Variants in SIPA1L1 observed in about 807,000 individuals in gnomAD.
SIPA1L1 encodes signal-induced proliferation-associated 1-like protein 1.
A neutral mutation model predicts 162.7 loss-of-function variants in SIPA1L1; 26 were observed. The observed-to-expected ratio is 0.16, with a 90% CI of 0.12 to 0.22. The LOEUF is 0.22. Among genes scored for constraint, SIPA1L1 ranks in the 10% least tolerant of loss-of-function variants. The pLI is 1.00. For missense variants in SIPA1L1, 1,874 were observed against 2,241.0 expected, an observed-to-expected ratio of 0.84 and a Z score of 3.31; for synonymous variants, 829 against 837.4, an observed-to-expected ratio of 0.99 and a Z score of 0.17.
At chr14:71,408,139 CAAT>C (rs747479474) in intron 2 of SIPA1L1, among the ~76,000 whole-genome samples, 10 of 152,114 alleles carry the variant, frequency 6.6e-5, no homozygotes, top group Non-Finnish European at 1.3e-4. Context: ...TTTGAGAAGA[CAAT>C]AATATTTTTT....
chr14:71,689,114 AT>A (rs1274561774), intron 13 of SIPA1L1, among the ~76,000 whole-genome samples: 1 of 152,242 alleles, frequency 6.6e-6, no homozygotes, highest in Non-Finnish European at 1.5e-5. Flanking sequence ...AACAAAAAAA[AT>A]AAATCTGCAT....
chr14:71,732,559 C>T (rs929558839), intron 20 of SIPA1L1, among the ~76,000 whole-genome samples: 65 of 152,318 alleles, frequency 4.3e-4, no homozygotes, highest in African/African-American at 1.5e-3. Context: ...CCAGTCCTCC[C>T]TGCCAAGCAG....
chr14:71,526,523 C>T (rs2052890350), intron 3 of SIPA1L1, among the ~76,000 whole-genome samples: 2 of 152,130 alleles, frequency 1.3e-5, no homozygotes, highest in African/African-American at 4.8e-5. Context: ...AGTTATGGTT[C>T]ATTTATATTC....
At chr14:71,494,523 C>CTTTTTTTTTT (rs201797447) in intron 2 of SIPA1L1, among the ~76,000 whole-genome samples, 19 of 126,670 alleles carry the variant, frequency 1.5e-4, no homozygotes, top group South Asian at 2.6e-4. Flanking sequence ...CTTTTCTTTT[C>CTTTTTTTTTT]TTTTTTTTTT....
intron 5 of SIPA1L1, 71 bp downstream of exon 5, chr14:71,589,441 G>T: frequency 1.1e-6 from 1 of 873,680 alleles, no homozygotes; most frequent in Non-Finnish European, 1.7e-6. Flanking sequence ...TGTATATTAA[G>T]ATATTTATTA....
At chr14:71,607,079 A>G (rs1409949556) in intron 5 of SIPA1L1, among the ~76,000 whole-genome samples, 1 of 151,822 alleles carries the variant, frequency 6.6e-6, no homozygotes, top group East Asian at 1.9e-4. Flanking sequence ...GATGTAGGCA[A>G]TTGTGAGGGT....
rs2042521770 is a variant in SIPA1L1, at chr14:71,650,421, C to T, written c.1905C>T (p.Gly635=). 3.1e-6 allele frequency: 5 copies of T among 1,614,102 alleles called. No individual in the cohort carries two copies. The highest frequency in any genetic ancestry group is 4.2e-6 in the Non-Finnish European group (5 of 1,179,942). The stretch of plus-strand genomic sequence containing the variant: ...AGATGTACAACAATGAGTCAGCTGG[C>T]CCAGCCTTTGAAGAATTTCTTCAAC... ...EEEMYNNESA[G]PAFEEFLQLL... Residue 635 remains glycine (G), a synonymous_variant, in exon 8 of 24, where the codon GGC becomes GGT. Transcript: ENST00000381232.
At chr14:71,587,459 G>T in intron 4 of SIPA1L1, 112 bp from the exon 5 acceptor site, 1 of 396,404 alleles carries the variant, frequency 2.5e-6, no homozygotes, top group South Asian at 1.4e-4. Flanking sequence ...GTGGAACTGT[G>T]AATCCTAATC....
chr14:71,730,887 G>C (rs1597278607), intron 20 of SIPA1L1, among the ~76,000 whole-genome samples: 1 of 152,160 alleles, frequency 6.6e-6, no homozygotes, highest in East Asian at 1.9e-4. Context: ...CTAGATCCCA[G>C]TTTTATTAAG....
intron 2 of SIPA1L1, among the ~76,000 whole-genome samples, chr14:71,490,890 G>A (rs545123024): frequency 3.9e-5 from 6 of 152,212 alleles, no homozygotes; most frequent in South Asian, 2.1e-4. Context: ...TACATACATC[G>A]TAGAGAACAT....
At chr14:71,668,702 C>T (rs1439085340) in intron 10 of SIPA1L1, among the ~76,000 whole-genome samples, 1 of 152,166 alleles carries the variant, frequency 6.6e-6, no homozygotes, top group Non-Finnish European at 1.5e-5. Context: ...GTCTGTCTGT[C>T]ATCTAGATAA....
At chr14:71,581,278 A>G (rs1339954435) in intron 4 of SIPA1L1, among the ~76,000 whole-genome samples, 2 of 152,070 alleles carry the variant, frequency 1.3e-5, no homozygotes, top group Non-Finnish European at 2.9e-5. Flanking sequence ...AAACCCTCCC[A>G]CCTTAGCCTC....
At chr14:71,531,966 C>G (rs1439854732) in intron 4 of SIPA1L1, among the ~76,000 whole-genome samples, 3 of 152,070 alleles carry the variant, frequency 2.0e-5, no homozygotes, top group East Asian at 1.9e-4. Flanking sequence ...ACTTGAGAAC[C>G]TAATTACTGA....
chr14:71,573,159 C>T (rs1351356082), intron 4 of SIPA1L1, among the ~76,000 whole-genome samples: 1 of 152,190 alleles, frequency 6.6e-6, no homozygotes, highest in Non-Finnish European at 1.5e-5. Context: ...GTTTCCCCCA[C>T]TTTATATGCC....
chr14:71,405,643 C>T (rs771218559), intron 2 of SIPA1L1, among the ~76,000 whole-genome samples: 8 of 152,214 alleles, frequency 5.3e-5, no homozygotes, highest in Non-Finnish European at 1.2e-4. Flanking sequence ...TCTACTGTGA[C>T]ACAACCTGCT....
intron 2 of SIPA1L1, among the ~76,000 whole-genome samples, chr14:71,485,273 A>AG (rs2048658136): frequency 6.6e-6 from 1 of 152,228 alleles, no homozygotes; most frequent in Admixed American, 6.5e-5. Context: ...ATTCATTTAG[A>AG]GAAGGGGTCT....
At chr14:71,382,556 C>T (rs529599475) in intron 2 of SIPA1L1, among the ~76,000 whole-genome samples, 11 of 152,272 alleles carry the variant, frequency 7.2e-5, no homozygotes, top group Admixed American at 2.6e-4. Context: ...TGGCAGTTGT[C>T]GGTCTCTTTA....
At chr14:71,515,906 T>C (rs554862747) in intron 3 of SIPA1L1, among the ~76,000 whole-genome samples, 2 of 152,274 alleles carry the variant, frequency 1.3e-5, no homozygotes, top group East Asian at 3.9e-4. Flanking sequence ...CCTCCCAGAG[T>C]TCTGGGATTA....
At chr14:71,685,257 T>C in intron 12 of SIPA1L1, 105 bp from the exon 13 acceptor site, 1 of 1,266,102 alleles carries the variant, frequency 7.9e-7, no homozygotes, top group Non-Finnish European at 1.1e-6. Context: ...AAACAGAGGG[T>C]GAAATTGTGG....
Sources: allele counts gnomAD v4.1 joint callset (sites outside exome capture counted in the v4.1 genomes callset), GRCh38; gene constraint gnomAD v4.1.1; transcripts MANE v1.5; gene names NCBI Gene and HGNC (gene_info 2026-07-23, HGNC 2026-07-21).